Variants in EXD2 observed in about 807,000 individuals in gnomAD.
EXD2 encodes exonuclease 3'-5' domain-containing protein 2.
In EXD2, 40 loss-of-function variants were observed where a neutral mutation model predicts 62.5. The observed-to-expected ratio is 0.64, with a 90% CI of 0.50 to 0.83. EXD2 has a LOEUF of 0.83. Among genes scored for constraint, EXD2 ranks in the 40% least tolerant of loss-of-function variants. The pLI is 0.00. For missense variants in EXD2, 671 were observed against 761.8 expected (o/e 0.88, Z 1.40); for synonymous variants, 239 against 291.9 (o/e 0.82, Z 1.85).
chr14:69,229,636 C>T (rs1310943388), intron 4 of EXD2, among the ~76,000 whole-genome samples: 1 of 152,132 alleles, frequency 6.6e-6, no homozygotes, highest in African/African-American at 2.4e-5. Context: ...TGATGGTAGA[C>T]CAGCCCTTAT....
chr14:69,206,455 C>CCTTTTTTTT (rs60787528), intron 2 of EXD2, among the ~76,000 whole-genome samples: 1,646 of 94,630 alleles, frequency 0.017, 532 homozygotes, highest in African/African-American at 0.065. Flanking sequence ...CACCCACCCA[C>CCTTTTTTTT]TTTTTTTTTT....
chr14:69,203,725 G>A (rs1299980734), intron 1 of EXD2, among the ~76,000 whole-genome samples, 192 bp from the exon 2 acceptor site: 1 of 152,222 alleles, frequency 6.6e-6, no homozygotes, highest in Non-Finnish European at 1.5e-5. Flanking sequence ...CTTGAATTGG[G>A]TGGGAGCTGA....
In EXD2 at chr14:69,228,857, A is replaced by G. The variant is rs2043464315; in HGVS notation, c.375A>G (p.Gln125=). ...AAGCCAGCCCTCTGTCACTTCTACA[A>G]ATGGCCTCCCCAAGTGGCCTGTGTG... ...EGKASPLSLL[Q]MASPSGLCVL... is the part of the protein sequence containing the mutation. Residue 125 remains glutamine (Q), a synonymous_variant, in exon 4 of 10, where the codon CAA becomes CAG. Transcript: ENST00000685843. 1 of 1,613,888 alleles carries G rather than the reference A, an allele frequency of 6.2e-7. No homozygotes were observed. Among genetic ancestry groups the G allele is most frequent in the Non-Finnish European group, 8.5e-7 (1 of 1,179,994 alleles).
chr14:69,221,679 G>A (rs1029970367), intron 3 of EXD2, among the ~76,000 whole-genome samples: 1 of 151,884 alleles, frequency 6.6e-6, no homozygotes, highest in Non-Finnish European at 1.5e-5. Flanking sequence ...AAGGTGGTAG[G>A]ATGGCTTGGG....
Position 69,236,423 on chromosome 14 carries a change from G to A in EXD2, c.1173G>A (p.Glu391=), listed in dbSNP as rs1566841646. The A allele has an allele frequency of 6.2e-6, 10 of 1,614,118 alleles. No homozygotes were observed. Among genetic ancestry groups the A allele is most frequent in the Non-Finnish European group, 7.6e-6 (9 of 1,180,014 alleles). The change falls in exon 8 of 10, where the codon GAG becomes GAA. Residue 391 remains glutamate (E), a synonymous_variant. Transcript: ENST00000685843. ...DKGIGELVSE[E]PFVVKLRFEP... is the part of the protein sequence containing the mutation. ...TCTCTTAAGAGCTGGTGAGTGAAGA[G>A]CCCTTTGTGGTGAAGCTACGGTTTG...
intron 3 of EXD2, among the ~76,000 whole-genome samples, chr14:69,211,732 G>A (rs2042810952): frequency 6.6e-6 from 1 of 152,090 alleles, no homozygotes; most frequent in Non-Finnish European, 1.5e-5. Context: ...GGGTTTAAGT[G>A]GTAAGCTCTA....
chr14:69,216,946 A>G (rs76386121), intron 3 of EXD2, among the ~76,000 whole-genome samples: 1,704 of 152,150 alleles, frequency 0.011, 27 homozygotes, highest in East Asian at 0.056. Context: ...CATCCCTCCT[A>G]TGTAACTGTA....
At chr14:69,216,272 A>G (rs1335984159) in intron 3 of EXD2, among the ~76,000 whole-genome samples, 2 of 152,068 alleles carry the variant, frequency 1.3e-5, no homozygotes, top group African/African-American at 2.4e-5. Flanking sequence ...ATGTGTCTAG[A>G]TCTGTTTTTG....
intron 3 of EXD2, among the ~76,000 whole-genome samples, chr14:69,222,266 C>T (rs1046815609): frequency 1.3e-5 from 2 of 151,986 alleles, no homozygotes; most frequent in African/African-American, 4.8e-5. Context: ...TTTCAAATAA[C>T]CAACTTTTTG....
rs753809426 is a variant in EXD2 at position 69,240,942 on chromosome 14, G to T, written c.1708G>T (p.Gly570Cys). ...GAAGGTGGTGCAGTGTCACAGCCAGGGTGGCCTGCGCTCCCTCATGCAGCT... is the reference window on the plus strand; with the variant it reads ...GAAGGTGGTGCAGTGTCACAGCCAGTGTGGCCTGCGCTCCCTCATGCAGCT... ...GLKVVQCHSQ[G>C]GLRSLMQLES... The change falls in exon 10 of 10, where the codon GGT becomes TGT. Residue 570 changes from glycine to cysteine, a missense_variant. Physicochemically the swap from Gly to Cys is radical, Grantham distance 159. Transcript: ENST00000685843. 6.2e-7 allele frequency: 1 copy of T among 1,613,636 alleles called. No homozygotes were observed.
chr14:69,225,586 A>G (rs1410296051), intron 3 of EXD2, among the ~76,000 whole-genome samples: 6 of 152,222 alleles, frequency 3.9e-5, no homozygotes, highest in Non-Finnish European at 8.8e-5. Flanking sequence ...ATTTTCATAT[A>G]TGTTGACTAA....
At chr14:69,219,779 A>C (rs995117370) in intron 3 of EXD2, among the ~76,000 whole-genome samples, 13 of 152,140 alleles carry the variant, frequency 8.5e-5, no homozygotes, top group African/African-American at 3.1e-4. Context: ...TATCTTTGAA[A>C]ATGACCATTT....
intron 3 of EXD2, among the ~76,000 whole-genome samples, chr14:69,228,485 C>T (rs899271698): frequency 2.6e-5 from 4 of 152,184 alleles, no homozygotes; most frequent in Admixed American, 1.3e-4. Context: ...AGCTACCGTG[C>T]CCAGCCTCCT....
intron 3 of EXD2, among the ~76,000 whole-genome samples, chr14:69,219,871 A>G (rs1329860194): frequency 2.6e-5 from 4 of 152,148 alleles, no homozygotes; most frequent in Non-Finnish European, 5.9e-5. Context: ...AGTGTTCAGT[A>G]GATGTGGTGA....
intron 8 of EXD2, among the ~76,000 whole-genome samples, chr14:69,237,079 G>A (rs1157318922): frequency 2.0e-5 from 3 of 152,230 alleles, no homozygotes; most frequent in Non-Finnish European, 4.4e-5. Context: ...GTGAGACAAA[G>A]TCATTGCTGC....
chr14:69,201,491 A>G (rs2042395896), intron 1 of EXD2, among the ~76,000 whole-genome samples: 1 of 151,752 alleles, frequency 6.6e-6, no homozygotes. Flanking sequence ...GCCCACCTAC[A>G]TTTTACAGTT....
rs1344465007 is a variant in EXD2, at chr14:69,230,515, G to T, written c.634G>T (p.Glu212Ter). ...TGGGCTTAGCCTGAAGTCCCTCGCT[G>T]AGACTGTTTTGAACTTTCCCCTTGA... ...CNGLSLKSLA[E>*]TVLNFPLDKS... Residue 212 changes from glutamate (E) to a stop codon, truncating the protein, a stop_gained, in exon 5 of 10, where the codon GAG (glutamate) becomes TAG (stop). Coordinates refer to ENST00000685843, the MANE Select transcript of EXD2 (RefSeq NM_001193360.2). LOFTEE classifies it high-confidence loss of function. 7 of 1,613,792 alleles carry T rather than the reference G, an allele frequency of 4.3e-6. No individual in the cohort carries two copies. Among genetic ancestry groups the T allele is most frequent in the Admixed American group, 1.7e-5 (1 of 59,952 alleles).
intron 3 of EXD2, among the ~76,000 whole-genome samples, chr14:69,218,372 T>A (rs2043055143): frequency 6.6e-6 from 1 of 152,224 alleles, no homozygotes; most frequent in Non-Finnish European, 1.5e-5. Flanking sequence ...GCCCACTTTT[T>A]GATGGAGTTT....
intron 3 of EXD2, 145 bp downstream of exon 3, chr14:69,209,948 G>T: frequency 1.5e-6 from 1 of 645,964 alleles, no homozygotes; most frequent in East Asian, 3.0e-5. Context: ...GATTTTAGCA[G>T]AAGAAGAAGC....
Sources: allele counts gnomAD v4.1 joint callset (sites outside exome capture counted in the v4.1 genomes callset), GRCh38; gene constraint gnomAD v4.1.1; transcripts MANE v1.5; gene names NCBI Gene and HGNC (gene_info 2026-07-23, HGNC 2026-07-21).